The following FEZ2 variants were observed in gnomAD, a reference collection of about 807,000 sequenced individuals.
The protein encoded by FEZ2 is fasciculation and elongation protein zeta-2.
FEZ2 carries 51 observed loss-of-function variants against 40.4 expected under a neutral mutation model. The ratio of observed to expected loss-of-function variants is 1.26; its 90% confidence interval spans 1.01 to 1.59. The LOEUF (loss-of-function observed/expected upper bound fraction) is 1.59. FEZ2 is among the 40% of genes most tolerant of loss of function. The pLI, the probability that FEZ2 is intolerant of heterozygous loss-of-function variation, is 0.00. For synonymous variants in FEZ2, 242 were observed against 172.0 expected, an observed-to-expected ratio of 1.41 and a Z score of -3.18; for missense variants, 640 against 438.3, an observed-to-expected ratio of 1.46 and a Z score of -4.11.
intron 5 of FEZ2, among the ~76,000 whole-genome samples, chr2:36,573,856 T>C (rs1668489434): frequency 6.6e-6 from 1 of 152,250 alleles, no homozygotes; most frequent in Non-Finnish European, 1.5e-5. Flanking sequence ...TATCTCCTGT[T>C]GGCGGGAGGT....
chr2:36,570,483 G>A (rs1373842881), intron 5 of FEZ2, among the ~76,000 whole-genome samples: 2 of 152,004 alleles, frequency 1.3e-5, no homozygotes, highest in Admixed American at 6.6e-5. Context: ...ACTAAAACTA[G>A]AATATAATAA....
chr2:36,574,406 T>C (rs990220239), intron 5 of FEZ2, among the ~76,000 whole-genome samples: 2 of 152,144 alleles, frequency 1.3e-5, no homozygotes, highest in Non-Finnish European at 2.9e-5. Flanking sequence ...GTACCTAAGG[T>C]TGGATCTACG....
At chr2:36,568,263 G>A (rs937338170) in intron 5 of FEZ2, among the ~76,000 whole-genome samples, 2 of 152,116 alleles carry the variant, frequency 1.3e-5, no homozygotes, top group African/African-American at 4.8e-5. Context: ...AAGTACCAAA[G>A]ACATACCAAA....
intron 5 of FEZ2, among the ~76,000 whole-genome samples, chr2:36,573,806 C>A (rs1250334018): frequency 2.0e-5 from 3 of 152,152 alleles, no homozygotes; most frequent in Non-Finnish European, 4.4e-5. Context: ...CAGATCAAAC[C>A]CATTGTTTGC....
In FEZ2 at chr2:36,597,935, C is replaced by G. The variant is rs1235498708; in HGVS notation, c.208G>C (p.Glu70Gln). Residue 70 changes from glutamate to glutamine, a missense_variant, in exon 1 of 8, where the codon GAG becomes CAG. Coordinates refer to ENST00000405912, the MANE Select transcript of FEZ2 (RefSeq NM_005102.3). ...GGCCGCACGGCCGTCCTCGGGGGCTCGGCGCCCGGATCCGAGGGGCGGAAG... is the reference window on the plus strand; with the variant it reads ...GGCCGCACGGCCGTCCTCGGGGGCTGGGCGCCCGGATCCGAGGGGCGGAAG... Reference protein sequence around the residue: ...LCFRPSDPGAEPPRTAVRPIT... With the variant: ...LCFRPSDPGAQPPRTAVRPIT... 2 of 1,442,328 alleles carry G rather than the reference C, an allele frequency of 1.4e-6. No individual in the cohort carries two copies. Among genetic ancestry groups the G allele is most frequent in the Non-Finnish European group, 1.8e-6 (2 of 1,104,880 alleles). The allele number at this position is 1,442,328 out of a possible 1,614,324, so 89.3% of individuals were successfully genotyped here.
In FEZ2 at chr2:36,553,159, T is replaced by C; in HGVS notation, c.*4A>G. 1 of 1,566,830 alleles carries C rather than the reference T, an allele frequency of 6.4e-7. No individual in the cohort carries two copies. The highest frequency in any genetic ancestry group is 1.2e-5 in the South Asian group (1 of 84,944). Reference sequence around the variant, plus strand: ...TGGAGCCCACCGCAGATAAAGTTGCTGCTCTATGTAGGACACAGAACTAGA... The same window carrying C: ...TGGAGCCCACCGCAGATAAAGTTGCCGCTCTATGTAGGACACAGAACTAGA... On this transcript the variant is annotated 3_prime_UTR_variant, in exon 8 of 8. Coordinates refer to ENST00000405912, the MANE Select transcript of FEZ2 (RefSeq NM_005102.3).
chr2:36,553,158 C>T lies in FEZ2; in HGVS notation c.*5G>A. On this transcript the variant is annotated 3_prime_UTR_variant, in exon 8 of 8. Transcript: ENST00000405912. ...TTGGAGCCCACCGCAGATAAAGTTG[C>T]TGCTCTATGTAGGACACAGAACTAG... 6.4e-7 allele frequency: 1 copy of T among 1,566,354 alleles called. No individual in the cohort carries two copies.
intron 5 of FEZ2, among the ~76,000 whole-genome samples, chr2:36,569,042 A>G (rs777306199): frequency 1.1e-4 from 16 of 151,916 alleles, no homozygotes; most frequent in Non-Finnish European, 1.9e-4. Context: ...CCTCTAAATA[A>G]CTCCACATCC....
At chr2:36,591,206 G>A (rs1173410709) in intron 1 of FEZ2, 195 bp from the exon 2 acceptor site, 2 of 579,566 alleles carry the variant, frequency 3.5e-6, no homozygotes, top group Non-Finnish European at 6.1e-6. Flanking sequence ...TAACTGGGCT[G>A]ACAAGAAGTC....
intron 5 of FEZ2, among the ~76,000 whole-genome samples, chr2:36,559,733 TG>T (rs1329672704): frequency 6.6e-6 from 1 of 152,220 alleles, no homozygotes; most frequent in African/African-American, 2.4e-5. Flanking sequence ...GGCTGCACCC[TG>T]GCCCGCTCTC....
chr2:36,572,992 T>C (rs149537888), intron 5 of FEZ2, among the ~76,000 whole-genome samples: 2 of 152,340 alleles, frequency 1.3e-5, no homozygotes, highest in East Asian at 3.9e-4. Context: ...TTTACAGTTT[T>C]TTCTTTTCTC....
intron 1 of FEZ2, among the ~76,000 whole-genome samples, chr2:36,595,786 C>G (rs1325962555): frequency 2.0e-5 from 3 of 152,206 alleles, no homozygotes; most frequent in Non-Finnish European, 4.4e-5. Context: ...AAAGAGATTT[C>G]ATATGCATTC....
At chr2:36,577,482 G>A (rs1668608328) in intron 5 of FEZ2, among the ~76,000 whole-genome samples, 1 of 152,174 alleles carries the variant, frequency 6.6e-6, no homozygotes, top group South Asian at 2.1e-4. Flanking sequence ...TCGAACTCCT[G>A]ACCTCAGGTG....
intron 1 of FEZ2, among the ~76,000 whole-genome samples, chr2:36,595,844 C>A (rs1470782707): frequency 1.3e-5 from 2 of 152,170 alleles, no homozygotes; most frequent in Non-Finnish European, 2.9e-5. Context: ...CTACTAAATA[C>A]CATTAACAAG....
chr2:36,590,654 C>CAAA, intron 2 of FEZ2: 3 of 340,734 alleles, frequency 8.8e-6, no homozygotes, highest in East Asian at 5.4e-5. Context: ...GAGACTCCGT[C>CAAA]AAAAAAAAAA....
At chr2:36,581,498 T>G in intron 3 of FEZ2, 67 bp from the exon 4 acceptor site, 1 of 1,458,256 alleles carries the variant, frequency 6.9e-7, no homozygotes, top group Non-Finnish European at 9.6e-7. Context: ...TGGAACACAG[T>G]GCTCACCTAA....
chr2:36,577,791 A>G (rs759178130), intron 5 of FEZ2, among the ~76,000 whole-genome samples: 2 of 152,260 alleles, frequency 1.3e-5, no homozygotes, highest in Non-Finnish European at 2.9e-5. Flanking sequence ...TATCAAAAAC[A>G]GAACTCATAT....
intron 7 of FEZ2, 34 bp from the exon 8 acceptor site, chr2:36,553,213 T>C (rs1410131756): frequency 7.0e-7 from 1 of 1,422,624 alleles, no homozygotes; most frequent in Non-Finnish European, 9.7e-7. Context: ...GCTACAAATG[T>C]ATATTTTGTA....
chr2:36,595,648 G>C (rs971284813), intron 1 of FEZ2, among the ~76,000 whole-genome samples: 4 of 152,154 alleles, frequency 2.6e-5, no homozygotes, highest in Non-Finnish European at 5.9e-5. Context: ...AGCAATATCT[G>C]AGTAAAACAA....
Sources: gnomAD v4.1 joint callset for allele counts (sites outside exome capture counted in the v4.1 genomes callset) on GRCh38, gnomAD v4.1.1 for gene constraint, MANE v1.5 for transcripts, NCBI Gene and HGNC (gene_info 2026-07-23, HGNC 2026-07-21) for gene names.